NOP14: variants seen among roughly 807,000 people sequenced by gnomAD.
The protein encoded by NOP14 is nucleolar protein 14.
In NOP14, 57 loss-of-function variants were observed where a neutral mutation model predicts 101.6. The observed-to-expected ratio is 0.56, with a 90% CI of 0.45 to 0.70. NOP14 has a LOEUF of 0.70. Ranked by LOEUF, NOP14 falls within the 30% of genes least tolerant of loss-of-function variation. NOP14 has a pLI of 0.00. For synonymous variants in NOP14, 428 were observed against 424.0 expected, an observed-to-expected ratio of 1.01 and a Z score of -0.12; for missense variants, 1,134 against 1,075.5, an observed-to-expected ratio of 1.05 and a Z score of -0.76.
chr4:2,938,560 G>A lies in NOP14; in HGVS notation c.*271C>T, dbSNP rs991303272. The A allele has an allele frequency of 1.0e-5, 5 of 478,380 alleles. No homozygotes were observed. Among genetic ancestry groups the A allele is most frequent in the African/African-American group, 9.8e-5 (5 of 51,178 alleles). The allele number at this position is 478,380 out of a possible 1,614,324, so 29.6% of individuals were successfully genotyped here. ...GTCTTGCACTGTGGCCGAGGCTGGA[G>A]TGCAGTGGCTCAATCACGGCTCACT... On this transcript the variant is annotated 3_prime_UTR_variant, in exon 18 of 18. Transcript: ENST00000416614.
chr4:2,946,574 A>G, intron 10 of NOP14, 27 bp from the exon 11 acceptor site: 2 of 1,610,686 alleles, frequency 1.2e-6, no homozygotes, highest in Non-Finnish European at 1.7e-6. Flanking sequence ...TAAAGTCAGG[A>G]GAGAATGACT....
At chr4:2,953,669 C>T (rs756148646) in intron 4 of NOP14, 24 bp from the exon 5 acceptor site, 15 of 1,613,636 alleles carry the variant, frequency 9.3e-6, no homozygotes, top group South Asian at 2.2e-5. Context: ...AACAGACACA[C>T]ACCACATACC....
At chr4:2,949,297 A>T (rs1197239429) in intron 8 of NOP14, among the ~76,000 whole-genome samples, 1 of 152,138 alleles carries the variant, frequency 6.6e-6, no homozygotes, top group Non-Finnish European at 1.5e-5. Context: ...TCCGCCTCCC[A>T]GGCTCAAGTG....
chr4:2,959,330 C>A (rs888207161), intron 1 of NOP14, among the ~76,000 whole-genome samples: 1 of 152,196 alleles, frequency 6.6e-6, no homozygotes. Context: ...CGGTGGCTCA[C>A]GCCTGTAATT....
At position 2,952,272 on chromosome 4, in the gene NOP14, T is replaced by C. The variant is rs1475920594; in HGVS notation, c.870+3A>G. 3.7e-6 allele frequency: 6 copies of C among 1,613,080 alleles called. No individual in the cohort carries two copies. The Admixed American group carries it at 8.3e-5, about 22-fold the overall frequency. Reference sequence around the variant, plus strand: ...CCCTGCTCCTGAGGTGCTGCCACCCTACCTCCAGCTTCCTGAGGTGCTCCT... The same window carrying C: ...CCCTGCTCCTGAGGTGCTGCCACCCCACCTCCAGCTTCCTGAGGTGCTCCT... On this transcript the variant is annotated splice_donor_region_variant and intron_variant, in intron 6 of 17. Coordinates refer to ENST00000416614, the MANE Select transcript of NOP14 (RefSeq NM_001291978.2).
At position 2,939,307 on chromosome 4, in the gene NOP14, C is replaced by T; in HGVS notation, c.2355G>A (p.Glu785=). The T allele has an allele frequency of 6.2e-7, 1 of 1,614,038 alleles. No homozygotes were observed. Residue 785 remains glutamate (E), a synonymous_variant, in exon 17 of 18, where the codon GAG becomes GAA. Transcript: ENST00000416614. ...EFGRKQGSSK[E]EQERKRLIHK... ...GGATCAGCCTCTTCCTTTCCTGTTCCTCCTTACTACTGCCTTGTTTTCTTC... is the reference window on the plus strand; with the variant it reads ...GGATCAGCCTCTTCCTTTCCTGTTCTTCCTTACTACTGCCTTGTTTTCTTC...
chr4:2,956,846 C>T, intron 2 of NOP14, 35 bp from the exon 3 acceptor site: 3 of 1,548,796 alleles, frequency 1.9e-6, no homozygotes, highest in Non-Finnish European at 1.7e-6. Context: ...CTAAAATTAC[C>T]ACTTCCATTT....
chr4:2,961,124 T>A (rs56125772), intron 1 of NOP14, among the ~76,000 whole-genome samples: 2,261 of 59,980 alleles, frequency 0.038, 147 homozygotes, highest in Middle Eastern at 0.15. Flanking sequence ...ATATTAATAT[T>A]ATAATAATAT....
chr4:2,952,058 G>A (rs1715058964), intron 6 of NOP14, among the ~76,000 whole-genome samples: 1 of 149,024 alleles, frequency 6.7e-6, no homozygotes, highest in Non-Finnish European at 1.5e-5. Flanking sequence ...AGTGAGCCAA[G>A]ATTGTGCCAC....
At position 2,950,326 on chromosome 4, in the gene NOP14, G is replaced by A. The variant is rs1170462032; in HGVS notation, c.1003-113C>T. The A allele has an allele frequency of 1.7e-5, 20 of 1,157,926 alleles. No homozygotes were observed. In the East Asian group the frequency reaches 4.7e-4, roughly 27 times the overall value. 71.7% of individuals were successfully genotyped at this position (1,157,926 alleles called of 1,614,324 possible). A position where few individuals can be genotyped will look rare whatever the true frequency, so the allele number is the denominator to read the frequency against. ...TCAGGGCTTTCTACGTGGTTGCAAGGAACACAAACCTGTGTGCTCCATTTG... is the reference window on the plus strand; with the variant it reads ...TCAGGGCTTTCTACGTGGTTGCAAGAAACACAAACCTGTGTGCTCCATTTG... On this transcript the variant is annotated intron_variant, in intron 7 of 17. Transcript: ENST00000416614.
In NOP14 at chr4:2,938,657, C is replaced by T. The variant is rs538755950; in HGVS notation, c.*174G>A. 10 of 596,094 alleles carry T rather than the reference C, an allele frequency of 1.7e-5. No individual in the cohort carries two copies. The highest frequency in any genetic ancestry group is 1.1e-4 in the East Asian group (4 of 35,008). 36.9% of individuals were successfully genotyped at this position (596,094 alleles called of 1,614,324 possible). ...AGTAGTTGGGACTACAGGTGCGTGC[C>T]ACCACACTTGGCTAATTTTTATGTT... is the stretch of plus-strand genomic sequence containing the variant. On this transcript the variant is annotated 3_prime_UTR_variant, in exon 18 of 18. Transcript: ENST00000416614.
At position 2,963,384 on chromosome 4, in the gene NOP14, G is replaced by A. The variant is rs558289635; in HGVS notation, c.-65C>T. On this transcript the variant is annotated 5_prime_UTR_variant, in exon 1 of 18. Transcript: ENST00000416614. ...GAGAGACAGGCGCGCGCTACCCTAA[G>A]ACACGTGCCGGGCCGCGGAACCGCT... 2.0e-4 allele frequency: 292 copies of A among 1,439,796 alleles called. No homozygotes were observed. The South Asian group carries it at 2.4e-3, about 12-fold the overall frequency. 89.2% of individuals were successfully genotyped at this position (1,439,796 alleles called of 1,614,324 possible).
chr4:2,957,943 G>A (rs1421615412), intron 1 of NOP14, among the ~76,000 whole-genome samples: 1 of 152,162 alleles, frequency 6.6e-6, no homozygotes, highest in Non-Finnish European at 1.5e-5. Flanking sequence ...GGATAATGGG[G>A]CAATCACTTT....
At chr4:2,942,094 A>G (rs566878516) in intron 14 of NOP14, 98 bp downstream of exon 14, 3 of 1,276,214 alleles carry the variant, frequency 2.4e-6, no homozygotes, top group Middle Eastern at 2.4e-4. Flanking sequence ...CCGGGCGGCA[A>G]GTTCACTAAG....
chr4:2,952,568 C>A (rs1715100873), intron 5 of NOP14, among the ~76,000 whole-genome samples, 171 bp from the exon 6 acceptor site: 1 of 152,064 alleles, frequency 6.6e-6, no homozygotes, highest in Non-Finnish European at 1.5e-5. Context: ...TCTGATAAGC[C>A]CTGAGGATTG....
chr4:2,950,298 A>C, intron 7 of NOP14, 85 bp from the exon 8 acceptor site: 1 of 1,412,074 alleles, frequency 7.1e-7, no homozygotes, highest in Non-Finnish European at 9.8e-7. Context: ...GAGGCTGCCC[A>C]CATCAGGGCT....
rs1488349218 is a variant in NOP14 at position 2,938,435 on chromosome 4, G to A, written c.*396C>T. The A allele has an allele frequency of 4.3e-5, 15 of 349,202 alleles. No individual in the cohort carries two copies. The highest frequency in any genetic ancestry group is 1.5e-4 in the South Asian group (7 of 46,112). The allele number at this position is 349,202 out of a possible 1,614,324, so 21.6% of individuals were successfully genotyped here. A position where few individuals can be genotyped will look rare whatever the true frequency, so the allele number is the denominator to read the frequency against. On this transcript the variant is annotated 3_prime_UTR_variant, in exon 18 of 18. Transcript: ENST00000416614. ...CTCGGGAGGCTGAGGCAGGAGAATC[G>A]CTTGAACCCAGGAGGTGGAGGTTGT...
intron 13 of NOP14, among the ~76,000 whole-genome samples, chr4:2,942,844 C>T (rs934482208): frequency 3.9e-5 from 6 of 151,914 alleles, no homozygotes; most frequent in South Asian, 2.1e-4. Context: ...GCCTGTAGGA[C>T]GCAGGAGTCA....
intron 8 of NOP14, 102 bp downstream of exon 8, chr4:2,949,832 C>A: frequency 5.8e-6 from 8 of 1,372,870 alleles, no homozygotes; most frequent in Non-Finnish European, 8.1e-6. Context: ...CCTTGGTCCC[C>A]ATTCCACAAA....
Sources: allele counts gnomAD v4.1 joint callset (sites outside exome capture counted in the v4.1 genomes callset), GRCh38; gene constraint gnomAD v4.1.1; transcripts MANE v1.5; gene names NCBI Gene and HGNC (gene_info 2026-07-23, HGNC 2026-07-21).